Variants in SPATA13 observed in about 807,000 individuals in gnomAD.
SPATA13 encodes spermatogenesis associated 13, also known as spermatogenesis-associated protein 13.
In SPATA13, 50 loss-of-function variants were observed where a neutral mutation model predicts 104.0. That is an observed-to-expected ratio of 0.48 (90% CI 0.38 to 0.61). SPATA13 has a LOEUF of 0.61. SPATA13 is among the 20% of genes least tolerant of loss of function. The pLI is 0.00. For synonymous variants in SPATA13, 606 were observed against 667.5 expected (o/e 0.91, Z 1.42); for missense variants, 1,524 against 1,690.6 (o/e 0.90, Z 1.73).
chr13:24,095,313 C>T (rs879375893), intron 3 of SPATA13, among the ~76,000 whole-genome samples: 1 of 152,156 alleles, frequency 6.6e-6, no homozygotes, highest in African/African-American at 2.4e-5. Flanking sequence ...AAGCCAGTCA[C>T]AAAAGGACAA....
intron 3 of SPATA13, among the ~76,000 whole-genome samples, chr13:24,099,995 G>C (rs1880204787): frequency 1.3e-5 from 2 of 152,210 alleles, no homozygotes; most frequent in African/African-American, 2.4e-5. Flanking sequence ...GGTCCACGGA[G>C]GGGCTTCTGG....
intron 3 of SPATA13, among the ~76,000 whole-genome samples, chr13:24,153,724 G>A (rs1056413762): frequency 1.3e-5 from 2 of 152,178 alleles, no homozygotes; most frequent in Admixed American, 6.5e-5. Flanking sequence ...ATCTACACAG[G>A]AGAACAGAGT....
intron 3 of SPATA13, among the ~76,000 whole-genome samples, chr13:24,130,497 C>T (rs763714904): frequency 2.6e-5 from 4 of 152,168 alleles, no homozygotes; most frequent in South Asian, 2.1e-4. Flanking sequence ...TGCAGAAGTA[C>T]GTGGGAGGGG....
rs141884333 is a variant in SPATA13, at chr13:24,290,454, C to A, written c.2848-198C>A. The stretch of plus-strand genomic sequence containing the variant: ...TCAGGAGCCTGCTGAAGCACCCCTT[C>A]TCGCCGGCCAGATAACGCTTGCGGA... On this transcript the variant is annotated intron_variant, in intron 8 of 12. Transcript: ENST00000382108. Among the ~76,000 whole-genome samples the A allele has an allele frequency of 1.2e-3, 177 of 152,244 alleles. 2 individuals are homozygous for A. Among genetic ancestry groups the A allele is most frequent in the African/African-American group, 3.8e-3 (158 of 41,542 alleles).
At chr13:24,209,035 T>A (rs1870866395) in intron 1 of SPATA13, among the ~76,000 whole-genome samples, 1 of 152,178 alleles carries the variant, frequency 6.6e-6, no homozygotes. Context: ...CATGTCAGGG[T>A]CAGCTGTGGC....
chr13:24,229,224 C>T (rs967827435), intron 2 of SPATA13, among the ~76,000 whole-genome samples: 14 of 152,190 alleles, frequency 9.2e-5, no homozygotes, highest in Non-Finnish European at 2.1e-4. Flanking sequence ...ACTCAGGCAG[C>T]AGAGTCAGTG....
At position 24,160,783 on chromosome 13, in the gene SPATA13, G is replaced by C. The variant is rs1373621620; in HGVS notation, c.-261G>C. The C allele has an allele frequency of 1.0e-6, 1 of 985,384 alleles. No homozygotes were observed. Among genetic ancestry groups the C allele is most frequent in the Non-Finnish European group, 1.2e-6 (1 of 830,008 alleles). 61.0% of individuals were successfully genotyped at this position (985,384 alleles called of 1,614,324 possible). On this transcript the variant is annotated 5_prime_UTR_variant, in exon 1 of 13. Transcript: ENST00000382108. Reference sequence around the variant, plus strand: ...CGCTTTCTCCCGCGATCGCCCTGCCGGTCGCTAGCTCCGAGGGCGCGCACT... The same window carrying C: ...CGCTTTCTCCCGCGATCGCCCTGCCCGTCGCTAGCTCCGAGGGCGCGCACT...
chr13:24,062,583 C>A (rs1001252537), intron 3 of SPATA13, among the ~76,000 whole-genome samples: 3 of 152,094 alleles, frequency 2.0e-5, no homozygotes, highest in African/African-American at 7.2e-5. Context: ...GACGAAGGAG[C>A]CTCCATCCAG....
chr13:24,270,816 C>A (rs1178833001), intron 4 of SPATA13: 1 of 1,612,664 alleles, frequency 6.2e-7, no homozygotes, highest in Admixed American at 1.7e-5. Flanking sequence ...CTCGGTCACA[C>A]CCCAGTCCTG....
intron 10 of SPATA13, among the ~76,000 whole-genome samples, chr13:24,295,279 A>G (rs1159734085): frequency 6.6e-6 from 1 of 152,042 alleles, no homozygotes; most frequent in African/African-American, 2.4e-5. Flanking sequence ...TTGGGGAGGA[A>G]AATATTACCT....
chr13:24,025,793 TTTTC>T (rs1361565005), intron 3 of SPATA13, among the ~76,000 whole-genome samples: 125 of 142,862 alleles, frequency 8.7e-4, no homozygotes, highest in African/African-American at 3.2e-3. Flanking sequence ...ATCTTTTACC[TTTTC>T]TTTCTTTCTT....
intron 3 of SPATA13, among the ~76,000 whole-genome samples, chr13:24,064,898 C>T (rs975513081): frequency 5.9e-5 from 9 of 151,916 alleles, no homozygotes; most frequent in Admixed American, 5.2e-4. Flanking sequence ...ATCAGACAAA[C>T]CCAAATTGAA....
chr13:24,120,526 A>T (rs1880999900), intron 3 of SPATA13, among the ~76,000 whole-genome samples: 1 of 151,948 alleles, frequency 6.6e-6, no homozygotes, highest in South Asian at 2.1e-4. Context: ...CTGGATTCAA[A>T]CTCTGGCTAC....
intron 2 of SPATA13, among the ~76,000 whole-genome samples, chr13:24,235,099 T>G (rs547523892): frequency 6.6e-6 from 1 of 152,316 alleles, no homozygotes; most frequent in East Asian, 1.9e-4. Flanking sequence ...ATGATTGAAA[T>G]TATTTCCTTT....
chr13:24,040,292 C>T (rs941024511), intron 3 of SPATA13, among the ~76,000 whole-genome samples: 1 of 152,208 alleles, frequency 6.6e-6, no homozygotes, highest in African/African-American at 2.4e-5. Context: ...CCCCGTGTGT[C>T]TCACAAACCT....
At chr13:24,226,123 C>A (rs1871924703) in intron 2 of SPATA13, among the ~76,000 whole-genome samples, 1 of 152,150 alleles carries the variant, frequency 6.6e-6, no homozygotes, top group African/African-American at 2.4e-5. Flanking sequence ...ATGGGCAGGC[C>A]TGGAAAAAGC....
At chr13:24,107,713 G>A (rs1343947149) in intron 3 of SPATA13, among the ~76,000 whole-genome samples, 2 of 152,130 alleles carry the variant, frequency 1.3e-5, no homozygotes, top group African/African-American at 4.8e-5. Flanking sequence ...TATAGACTTG[G>A]TAAGAAAGAA....
chr13:24,141,736 T>C lies in SPATA13; in HGVS notation c.-111-81083T>C, dbSNP rs571309524. Among the ~76,000 whole-genome samples, 9 of 152,334 alleles carry C rather than the reference T, an allele frequency of 5.9e-5. No homozygotes were observed. In the South Asian group the frequency reaches 1.9e-3, roughly 32 times the overall value. The stretch of plus-strand genomic sequence containing the variant: ...GGGGCTACCCATAAACATTGCTGCT[T>C]TATAGCTAGGGAGCCTCCCGTGGCT... On this transcript the variant is annotated intron_variant, in intron 3 of 14. Coordinates refer to the SPATA13 transcript ENST00000424834.
At chr13:24,069,717 G>A (rs889358100) in intron 3 of SPATA13, among the ~76,000 whole-genome samples, 3 of 152,054 alleles carry the variant, frequency 2.0e-5, no homozygotes, top group East Asian at 1.9e-4. Flanking sequence ...GTTTGAACAC[G>A]TACAGCATTT....
Sources: gnomAD v4.1 joint callset for allele counts (sites outside exome capture counted in the v4.1 genomes callset) on GRCh38, gnomAD v4.1.1 for gene constraint, MANE v1.5 for transcripts, NCBI Gene and HGNC (gene_info 2026-07-23, HGNC 2026-07-21) for gene names.